Variants in ARID1B observed in about 807,000 individuals in gnomAD.
ARID1B encodes AT-rich interactive domain-containing protein 1B.
ARID1B carries 30 observed loss-of-function variants against 212.3 expected under a neutral mutation model. That is an observed-to-expected ratio of 0.14 (90% CI 0.11 to 0.19). The LOEUF (loss-of-function observed/expected upper bound fraction) is 0.19. Ranked by LOEUF, ARID1B falls within the 10% of genes least tolerant of loss-of-function variation. ARID1B has a pLI of 1.00. For missense variants in ARID1B, 2,891 were observed against 3,204.0 expected (o/e 0.90, Z 2.36); for synonymous variants, 1,402 against 1,301.7 (o/e 1.08, Z -1.66).
chr6:157,123,780 A>G (rs10457101), intron 6 of ARID1B, among the ~76,000 whole-genome samples: 51,927 of 152,208 alleles, frequency 0.34, 9,122 homozygotes, highest in African/African-American at 0.38. Context: ...AGTGTGTGCA[A>G]GCACTGAGCT....
At chr6:157,015,969 A>G (rs1319228998) in intron 4 of ARID1B, among the ~76,000 whole-genome samples, 3 of 152,176 alleles carry the variant, frequency 2.0e-5, no homozygotes, top group East Asian at 3.8e-4. Flanking sequence ...ATCTGTAAGG[A>G]GATATCTTCT....
intron 4 of ARID1B, among the ~76,000 whole-genome samples, chr6:157,084,205 A>G (rs1784821988): frequency 6.6e-6 from 1 of 151,716 alleles, no homozygotes; most frequent in African/African-American, 2.4e-5. Flanking sequence ...ATTACATTAC[A>G]ATATCCTAGT....
Position 157,174,789 on chromosome 6 carries a change from T to C in ARID1B, c.3346-58T>C. On this transcript the variant is annotated intron_variant, in intron 10 of 19. Coordinates refer to ENST00000636930, the MANE Select transcript of ARID1B (RefSeq NM_001374828.1). ...TTAAAGTGGATGTACTTTTTGTTAT[T>C]TTAAATAAAGTTTGCCCTACCTTTG... 3.7e-6 allele frequency: 5 copies of C among 1,364,744 alleles called. No homozygotes were observed. In the South Asian group the frequency reaches 9.7e-5, roughly 27 times the overall value. 84.5% of individuals were successfully genotyped at this position (1,364,744 alleles called of 1,614,324 possible).
At chr6:157,149,494 ATATC>A (rs1435401988) in intron 8 of ARID1B, 1 of 152,806 alleles carries the variant, frequency 6.5e-6, no homozygotes, top group Non-Finnish European at 1.5e-5. Flanking sequence ...TTTTCCAGGC[ATATC>A]TATCTGTCCA....
chr6:156,816,849 T>C (rs1437456156), intron 1 of ARID1B, among the ~76,000 whole-genome samples: 2 of 152,168 alleles, frequency 1.3e-5, no homozygotes, highest in African/African-American at 4.8e-5. Flanking sequence ...TTCTGGAGTT[T>C]GGATTTTTCG....
In ARID1B at chr6:157,198,682, C is replaced by T. The variant is rs955439871; in HGVS notation, c.4383-129C>T. On this transcript the variant is annotated intron_variant, in intron 16 of 19. Transcript: ENST00000636930. Reference sequence around the variant, plus strand: ...CAGCTGCCTCTCAGAGGGCCTTTGTCGGAGGGGTGCGCAGTAAAAGCCACA... The same window carrying T: ...CAGCTGCCTCTCAGAGGGCCTTTGTTGGAGGGGTGCGCAGTAAAAGCCACA... 1.8e-5 allele frequency: 12 copies of T among 684,650 alleles called. 1 individual carries two copies. The highest frequency in any genetic ancestry group is 5.5e-4 in the Middle Eastern group (2 of 3,662). The allele number at this position is 684,650 out of a possible 1,614,324, so 42.4% of individuals were successfully genotyped here. A position where few individuals can be genotyped will look rare whatever the true frequency, so the allele number is the denominator to read the frequency against.
intron 2 of ARID1B, chr6:156,870,530 G>C (rs1264336144): frequency 6.6e-6 from 1 of 152,136 alleles, no homozygotes; most frequent in Non-Finnish European, 1.5e-5. Context: ...AGGTTAAATT[G>C]CCTTCGTTGT....
chr6:157,203,788 TCTTA>T lies in ARID1B; in HGVS notation c.5264-75_5264-72del, dbSNP rs1389749225. The T allele has an allele frequency of 4.5e-6, 7 of 1,541,376 alleles. No homozygotes were observed. Among genetic ancestry groups the T allele is most frequent in the South Asian group, 2.3e-5 (2 of 86,752 alleles). The stretch of plus-strand genomic sequence containing the variant: ...TTAACTTAACACTCCACTTATTTTT[TCTTA>T]CTCTTTCGTTAACTTTCGTTCTTTC... On this transcript the variant is annotated intron_variant, in intron 18 of 19. Coordinates refer to ENST00000636930, the MANE Select transcript of ARID1B (RefSeq NM_001374828.1). This position sits in a 1 kb window ranked among gnomAD's most constrained non-coding sequence, Gnocchi z 4.4.
intron 2 of ARID1B, among the ~76,000 whole-genome samples, chr6:156,833,425 A>G (rs1414722220): frequency 6.6e-6 from 1 of 152,158 alleles, no homozygotes; most frequent in Non-Finnish European, 1.5e-5. Context: ...AGCAGATTTC[A>G]ATTATGTAGA....
Position 157,012,461 on chromosome 6 carries a change from G to A in ARID1B, c.2248-72201G>A, listed in dbSNP as rs542801504. 2.6e-5 allele frequency among the ~76,000 whole-genome samples: 4 copies of A among 152,322 alleles called. No homozygotes were observed. The South Asian group carries it at 8.3e-4, about 32-fold the overall frequency. On this transcript the variant is annotated intron_variant, in intron 4 of 19. Coordinates refer to ENST00000636930, the MANE Select transcript of ARID1B (RefSeq NM_001374828.1). Reference sequence around the variant, plus strand: ...AAAGTCACTTAGATTGAGAATACATGATGAGGATTAGGGCTACCTTTGGTG... The same window carrying A: ...AAAGTCACTTAGATTGAGAATACATAATGAGGATTAGGGCTACCTTTGGTG...
At chr6:157,106,286 CTG>C (rs778332264) in intron 5 of ARID1B, among the ~76,000 whole-genome samples, 3 of 152,334 alleles carry the variant, frequency 2.0e-5, no homozygotes, top group Non-Finnish European at 4.4e-5. Context: ...TTCATTATCT[CTG>C]TTCCCCTGGC....
chr6:156,843,545 G>T (rs1784039554), intron 2 of ARID1B, among the ~76,000 whole-genome samples: 2 of 152,108 alleles, frequency 1.3e-5, no homozygotes, highest in African/African-American at 4.8e-5. Context: ...TTTACCCTGG[G>T]GCTATGGTAA....
chr6:156,918,300 CA>C (rs1790517729), intron 3 of ARID1B, among the ~76,000 whole-genome samples: 1 of 151,702 alleles, frequency 6.6e-6, no homozygotes, highest in African/African-American at 2.4e-5. Flanking sequence ...GAAATAAGAC[CA>C]AAATTTAATT....
At chr6:156,802,843 A>C (rs1423469370) in intron 1 of ARID1B, among the ~76,000 whole-genome samples, 2 of 152,244 alleles carry the variant, frequency 1.3e-5, no homozygotes, top group East Asian at 1.9e-4. Flanking sequence ...AGGTGGATGA[A>C]TATATGTGTA....
intron 4 of ARID1B, among the ~76,000 whole-genome samples, chr6:157,016,799 G>A (rs552978709): frequency 2.0e-5 from 3 of 152,276 alleles, no homozygotes; most frequent in African/African-American, 7.2e-5. Flanking sequence ...TATAGCTCAC[G>A]TTTGTTTCGA....
chr6:157,172,129 C>T (rs1466829161), intron 9 of ARID1B, among the ~76,000 whole-genome samples: 1 of 152,198 alleles, frequency 6.6e-6, no homozygotes, highest in African/African-American at 2.4e-5. Flanking sequence ...TCTTTTCGCA[C>T]TCATCCTGCT....
intron 2 of ARID1B, among the ~76,000 whole-genome samples, chr6:156,875,920 A>G (rs1786509077): frequency 1.3e-5 from 2 of 152,234 alleles, no homozygotes; most frequent in African/African-American, 4.8e-5. Flanking sequence ...AACGTGCTAA[A>G]TACTTCTGTT....
chr6:156,938,074 G>A (rs1389423918), intron 4 of ARID1B: 1 of 151,360 alleles, frequency 6.6e-6, no homozygotes, highest in South Asian at 2.1e-4. Context: ...CCCCCAATCT[G>A]TTAGGATGAA....
intron 12 of ARID1B, among the ~76,000 whole-genome samples, chr6:157,182,141 C>G (rs542344117): frequency 6.6e-6 from 1 of 152,154 alleles, no homozygotes; most frequent in African/African-American, 2.4e-5. Flanking sequence ...CCCAGCTGTT[C>G]AGGAGGCTGA....
Sources: allele counts gnomAD v4.1 joint callset (sites outside exome capture counted in the v4.1 genomes callset), GRCh38; gene constraint gnomAD v4.1.1; non-coding constraint Gnocchi (gnomAD v3.1); transcripts MANE v1.5; gene names NCBI Gene and HGNC (gene_info 2026-07-23, HGNC 2026-07-21).